SNTB1: variants seen among roughly 807,000 people sequenced by gnomAD.
SNTB1 encodes the protein beta-1-syntrophin.
A neutral mutation model predicts 48.9 loss-of-function variants in SNTB1; 36 were observed. The observed-to-expected ratio is 0.74, with a 90% CI of 0.56 to 0.97. SNTB1 has a LOEUF of 0.97. Among genes scored for constraint, SNTB1 ranks in the 50% least tolerant of loss-of-function variants. SNTB1 has a pLI of 0.00. For synonymous variants in SNTB1, 299 were observed against 294.6 expected, an observed-to-expected ratio of 1.01 and a Z score of -0.15; for missense variants, 786 against 703.4, an observed-to-expected ratio of 1.12 and a Z score of -1.33.
At chr8:120,771,022 T>A (rs904107696) in intron 1 of SNTB1, among the ~76,000 whole-genome samples, 1 of 152,050 alleles carries the variant, frequency 6.6e-6, no homozygotes, top group Non-Finnish European at 1.5e-5. Flanking sequence ...TGGATTGTCA[T>A]TTTTTACCCA....
intron 2 of SNTB1, among the ~76,000 whole-genome samples, chr8:120,650,286 G>T (rs1366591935): frequency 6.6e-6 from 1 of 152,204 alleles, no homozygotes; most frequent in East Asian, 1.9e-4. Flanking sequence ...CAATAGGAGA[G>T]TTGAGAATGA....
intron 1 of SNTB1, among the ~76,000 whole-genome samples, chr8:120,787,310 AAGAAAAC>A (rs1819941074): frequency 6.6e-6 from 1 of 152,176 alleles, no homozygotes; most frequent in Non-Finnish European, 1.5e-5. Flanking sequence ...GCAATATGAA[AAGAAAAC>A]AGCATTCTCT....
At chr8:120,673,885 G>T (rs1817793827) in intron 2 of SNTB1, among the ~76,000 whole-genome samples, 1 of 152,100 alleles carries the variant, frequency 6.6e-6, no homozygotes, top group African/African-American at 2.4e-5. Context: ...ATGGAAGTAG[G>T]GAGTCGACCT....
intron 2 of SNTB1, among the ~76,000 whole-genome samples, chr8:120,640,976 T>G (rs912664914): frequency 1.1e-4 from 16 of 152,214 alleles, no homozygotes; most frequent in African/African-American, 1.9e-4. Flanking sequence ...GTACCTCTGG[T>G]AGAATTCGGC....
chr8:120,686,816 C>A (rs1383627260), intron 2 of SNTB1, among the ~76,000 whole-genome samples: 1 of 152,084 alleles, frequency 6.6e-6, no homozygotes, highest in Non-Finnish European at 1.5e-5. Context: ...TATTACAGCA[C>A]CATATACATA....
At chr8:120,608,520 G>A (rs538209995) in intron 3 of SNTB1, among the ~76,000 whole-genome samples, 5 of 152,282 alleles carry the variant, frequency 3.3e-5, no homozygotes, top group Admixed American at 3.3e-4. Context: ...AGAGAAGACG[G>A]CCATCTACAA....
intron 3 of SNTB1, among the ~76,000 whole-genome samples, chr8:120,604,360 C>T (rs1041118348): frequency 1.3e-5 from 2 of 152,062 alleles, no homozygotes; most frequent in African/African-American, 2.4e-5. Context: ...GCTAAGTGGT[C>T]CACTCTTGCA....
At chr8:120,687,205 C>A (rs1457901681) in intron 2 of SNTB1, among the ~76,000 whole-genome samples, 1 of 152,160 alleles carries the variant, frequency 6.6e-6, no homozygotes. Context: ...TTGTTTGTAG[C>A]CACCAAAGAC....
At chr8:120,628,902 T>C (rs561803828) in intron 3 of SNTB1, among the ~76,000 whole-genome samples, 13 of 152,300 alleles carry the variant, frequency 8.5e-5, no homozygotes, top group Admixed American at 7.8e-4. Context: ...CACACACTTG[T>C]AGTCCCAGTT....
Position 120,811,624 on chromosome 8 carries a change from C to A in SNTB1, c.220G>T (p.Ala74Ser), listed in dbSNP as rs1457310842. Reference sequence around the variant, plus strand: ...GCGCCGCCCGCGCCCGGGTGCCCAGCCCCGGCGCCCCTGCAGAACGAGCCA... The same window carrying A: ...GCGCCGCCCGCGCCCGGGTGCCCAGACCCGGCGCCCCTGCAGAACGAGCCA... ...TNGSFCRGAG[A>S]GHPGAGGAQP... Residue 74 changes from alanine (A) to serine (S), a missense_variant, in exon 1 of 7, where the codon GCT becomes TCT. Ala to Ser is a moderately conservative substitution (Grantham distance 99). Coordinates refer to ENST00000517992, the MANE Select transcript of SNTB1 (RefSeq NM_021021.4). 21 of 1,590,534 alleles carry A rather than the reference C, an allele frequency of 1.3e-5. No homozygotes were observed. The highest frequency in any genetic ancestry group is 1.8e-5 in the Non-Finnish European group (21 of 1,172,342).
Position 120,610,638 on chromosome 8 carries a change from C to T in SNTB1, c.996+21806G>A, listed in dbSNP as rs926306192. On this transcript the variant is annotated intron_variant, in intron 3 of 6. Transcript: ENST00000517992. ...AAGAAAAGTACACTTGGAAGAGGGC[C>T]AAGTGGGCAACTTGAGAAACCAAGG... Among the ~76,000 whole-genome samples, 8 of 152,198 alleles carry T rather than the reference C, an allele frequency of 5.3e-5. No individual in the cohort carries two copies. The East Asian group carries it at 1.6e-3, about 30-fold the overall frequency.
chr8:120,734,068 T>C (rs1331350105), intron 1 of SNTB1, among the ~76,000 whole-genome samples: 2 of 152,206 alleles, frequency 1.3e-5, no homozygotes, highest in Non-Finnish European at 2.9e-5. Flanking sequence ...ATTCAATAAA[T>C]ATTTTGTTTA....
intron 1 of SNTB1, chr8:120,776,611 A>C (rs1282038485): frequency 6.6e-6 from 1 of 152,116 alleles, no homozygotes; most frequent in African/African-American, 2.4e-5. Context: ...CTTATTTACA[A>C]CCAAAATAAA....
intron 1 of SNTB1, among the ~76,000 whole-genome samples, chr8:120,694,300 T>C (rs1161299797): frequency 6.6e-6 from 1 of 152,176 alleles, no homozygotes; most frequent in Non-Finnish European, 1.5e-5. Flanking sequence ...GCAGCCACAT[T>C]CATTACACAG....
chr8:120,653,877 A>C (rs953813507), intron 2 of SNTB1, among the ~76,000 whole-genome samples: 5 of 151,424 alleles, frequency 3.3e-5, no homozygotes, highest in Non-Finnish European at 7.4e-5. Flanking sequence ...GTCTCTACTA[A>C]AAATACAAAA....
At chr8:120,753,796 T>C (rs762894216) in intron 1 of SNTB1, among the ~76,000 whole-genome samples, 15 of 152,032 alleles carry the variant, frequency 9.9e-5, no homozygotes, top group Non-Finnish European at 2.1e-4. Context: ...CATTTAACAT[T>C]TTAACCAGTG....
chr8:120,678,808 C>T (rs7004385), intron 2 of SNTB1, among the ~76,000 whole-genome samples: 23,565 of 151,894 alleles, frequency 0.16, 3,491 homozygotes, highest in African/African-American at 0.39. Context: ...TTATTTGCCA[C>T]TCTTTGCCTT....
intron 4 of SNTB1, among the ~76,000 whole-genome samples, chr8:120,555,315 T>C (rs1228682217): frequency 6.6e-6 from 1 of 152,194 alleles, no homozygotes; most frequent in Non-Finnish European, 1.5e-5. Flanking sequence ...GCCAATGTGC[T>C]GAATTTTATA....
intron 1 of SNTB1, among the ~76,000 whole-genome samples, chr8:120,773,654 T>C (rs942797863): frequency 5.3e-5 from 8 of 152,142 alleles, no homozygotes; most frequent in Non-Finnish European, 1.0e-4. Flanking sequence ...AGGGCAAGTA[T>C]GGGAAAAAAA....
Sources: gnomAD v4.1 joint callset for allele counts (sites outside exome capture counted in the v4.1 genomes callset) on GRCh38, gnomAD v4.1.1 for gene constraint, MANE v1.5 for transcripts, NCBI Gene and HGNC (gene_info 2026-07-23, HGNC 2026-07-21) for gene names.